LEF1: variants seen among roughly 807,000 people sequenced by gnomAD.
The protein encoded by LEF1 is lymphoid enhancer binding factor 1, also known as lymphoid enhancer-binding factor 1.
LEF1 carries 14 observed loss-of-function variants against 51.2 expected under a neutral mutation model. The observed-to-expected ratio is 0.27, with a 90% CI of 0.18 to 0.43. LEF1 has a LOEUF of 0.43. Among genes scored for constraint, LEF1 ranks in the 20% least tolerant of loss-of-function variants. LEF1 has a pLI of 1.00. For missense variants in LEF1, 386 were observed against 512.0 expected (o/e 0.75, Z 2.37); for synonymous variants, 185 against 183.2 (o/e 1.01, Z -0.08).
chr4:108,109,399 A>G (rs938239431), intron 3 of LEF1, among the ~76,000 whole-genome samples: 2 of 152,238 alleles, frequency 1.3e-5, no homozygotes, highest in African/African-American at 4.8e-5. Context: ...CATGAACTCC[A>G]GAGACAGACT....
chr4:108,069,679 C>T lies in LEF1; in HGVS notation c.1116+984G>A, dbSNP rs567187167. 7.9e-5 allele frequency among the ~76,000 whole-genome samples: 12 copies of T among 152,108 alleles called. No homozygotes were observed. The South Asian group carries it at 1.2e-3, about 16-fold the overall frequency. On this transcript the variant is annotated intron_variant, in intron 9 of 11. Transcript: ENST00000265165. ...TATGTATGAAGAAATTTAAAATAGCCGGGGCAGTGGCTCATGCCTGTAATC... is the reference window on the plus strand; with the variant it reads ...TATGTATGAAGAAATTTAAAATAGCTGGGGCAGTGGCTCATGCCTGTAATC...
intron 4 of LEF1, among the ~76,000 whole-genome samples, chr4:108,087,956 T>C (rs1350962542): frequency 6.6e-6 from 1 of 152,176 alleles, no homozygotes; most frequent in African/African-American, 2.4e-5. Flanking sequence ...TTGGAGGCTC[T>C]TGATTAAAGG....
At chr4:108,122,624 T>C (rs1023407039) in intron 3 of LEF1, among the ~76,000 whole-genome samples, 1 of 152,128 alleles carries the variant, frequency 6.6e-6, no homozygotes, top group Admixed American at 6.6e-5. Context: ...ACTACAAGCG[T>C]GCACCACCAT....
At chr4:108,125,180 T>C (rs1742446242) in intron 3 of LEF1, among the ~76,000 whole-genome samples, 1 of 152,238 alleles carries the variant, frequency 6.6e-6, no homozygotes, top group African/African-American at 2.4e-5. Context: ...TTATTTATTT[T>C]TGAGGCAGAG....
intron 3 of LEF1, among the ~76,000 whole-genome samples, chr4:108,120,557 T>C (rs1742109865): frequency 6.6e-6 from 1 of 152,216 alleles, no homozygotes; most frequent in Non-Finnish European, 1.5e-5. Flanking sequence ...AAAGGTCAGC[T>C]GCAATGTGGA....
chr4:108,138,210 T>C (rs575360061), intron 3 of LEF1, among the ~76,000 whole-genome samples: 3 of 152,150 alleles, frequency 2.0e-5, no homozygotes, highest in Non-Finnish European at 4.4e-5. Flanking sequence ...ATAAAATAAA[T>C]AGATGAAAGA....
intron 3 of LEF1, among the ~76,000 whole-genome samples, chr4:108,131,000 C>G (rs1401507094): frequency 6.6e-6 from 1 of 152,014 alleles, no homozygotes; most frequent in African/African-American, 2.4e-5. Context: ...TCTTTCCTCC[C>G]AGGTTATTTT....
rs927824853 is a variant in LEF1 at position 108,047,632 on chromosome 4, A to G, written c.*1126T>C. On this transcript the variant is annotated 3_prime_UTR_variant, in exon 12 of 12. Transcript: ENST00000265165. ...AACTCAAACTGGAATGACAAACGTT[A>G]GGATGACAGTTTTGGGCAAAGGCTG... The G allele has an allele frequency of 6.6e-6, 1 of 152,656 alleles. No homozygotes were observed. Among genetic ancestry groups the G allele is most frequent in the Non-Finnish European group, 1.5e-5 (1 of 68,054 alleles). 9.5% of individuals were successfully genotyped at this position (152,656 alleles called of 1,614,324 possible).
At chr4:108,094,268 C>T (rs913928500) in intron 3 of LEF1, among the ~76,000 whole-genome samples, 24 of 152,200 alleles carry the variant, frequency 1.6e-4, no homozygotes, top group Admixed American at 1.4e-3. Context: ...GGTAAAGCTA[C>T]GGAGACTCAA....
At chr4:108,057,047 G>A (rs566532523) in intron 11 of LEF1, among the ~76,000 whole-genome samples, 1 of 152,182 alleles carries the variant, frequency 6.6e-6, no homozygotes, top group South Asian at 2.1e-4. Flanking sequence ...GCGACACTTG[G>A]TTCTCCCCAG....
At chr4:108,124,222 G>T (rs1742365577) in intron 3 of LEF1, among the ~76,000 whole-genome samples, 1 of 151,912 alleles carries the variant, frequency 6.6e-6, no homozygotes, top group Non-Finnish European at 1.5e-5. Context: ...TGATATTTTG[G>T]TCCATATGTG....
rs1020489831 is a variant in LEF1, at chr4:108,062,111, C to G, written c.*6+1512G>C. On this transcript the variant is annotated intron_variant, in intron 11 of 11. Transcript: ENST00000265165. Reference sequence around the variant, plus strand: ...GGGTAGGTATCGATATTCCCCTTTTCCAGGTAAGGAAAATGAAGATTAAAA... The same window carrying G: ...GGGTAGGTATCGATATTCCCCTTTTGCAGGTAAGGAAAATGAAGATTAAAA... Among the ~76,000 whole-genome samples the G allele has an allele frequency of 8.5e-5, 13 of 152,102 alleles. 1 individual carries two copies. The highest frequency in any genetic ancestry group is 1.8e-4 in the Non-Finnish European group (12 of 68,018).
At chr4:108,097,584 G>T (rs1740478619) in intron 3 of LEF1, among the ~76,000 whole-genome samples, 1 of 152,158 alleles carries the variant, frequency 6.6e-6, no homozygotes, top group Non-Finnish European at 1.5e-5. Context: ...AGTGGAATTG[G>T]AATGTTCCTA....
intron 3 of LEF1, among the ~76,000 whole-genome samples, chr4:108,113,857 A>G (rs1347454390): frequency 6.6e-6 from 1 of 152,224 alleles, no homozygotes; most frequent in Non-Finnish European, 1.5e-5. Context: ...GAATAAAAGA[A>G]AAGACGGATC....
intron 3 of LEF1, among the ~76,000 whole-genome samples, chr4:108,090,541 T>C (rs986177378): frequency 6.6e-6 from 1 of 152,218 alleles, no homozygotes; most frequent in South Asian, 2.1e-4. Flanking sequence ...TTTAACCTAA[T>C]TAGTAAAATC....
At chr4:108,125,123 A>G (rs1742442208) in intron 3 of LEF1, among the ~76,000 whole-genome samples, 1 of 152,118 alleles carries the variant, frequency 6.6e-6, no homozygotes, top group South Asian at 2.1e-4. Context: ...TATCAATTCA[A>G]TATAATTTTG....
intron 3 of LEF1, among the ~76,000 whole-genome samples, chr4:108,102,887 C>T (rs1221178572): frequency 6.6e-6 from 1 of 152,168 alleles, no homozygotes; most frequent in African/African-American, 2.4e-5. Context: ...CATTAGCTTA[C>T]AAAGTGCTTC....
intron 1 of LEF1, 113 bp from the exon 2 acceptor site, chr4:108,165,276 C>T (rs1272959030): frequency 4.3e-6 from 4 of 922,892 alleles, no homozygotes; most frequent in Non-Finnish European, 7.2e-6. Context: ...TTAGGGGCAA[C>T]TCTGTTTTAT....
rs1372363117 is a variant in LEF1, at chr4:108,047,846, T to C, written c.*912A>G. 3 of 152,666 alleles carry C rather than the reference T, an allele frequency of 2.0e-5. No homozygotes were observed. Among genetic ancestry groups the C allele is most frequent in the Non-Finnish European group, 4.4e-5 (3 of 68,042 alleles). 9.5% of individuals were successfully genotyped at this position (152,666 alleles called of 1,614,324 possible). ...GAAAATTCACTGCAAACCAGTCTGC[T>C]GAACGCATCTGTTAAGGTTTACTGT... On this transcript the variant is annotated 3_prime_UTR_variant, in exon 12 of 12. Coordinates refer to ENST00000265165, the MANE Select transcript of LEF1 (RefSeq NM_016269.5).
Sources: allele counts gnomAD v4.1 joint callset (sites outside exome capture counted in the v4.1 genomes callset), GRCh38; gene constraint gnomAD v4.1.1; transcripts MANE v1.5; gene names NCBI Gene and HGNC (gene_info 2026-07-23, HGNC 2026-07-21).